The following THSD7A variants were observed in gnomAD, a reference collection of about 807,000 sequenced individuals.
THSD7A encodes thrombospondin type-1 domain-containing protein 7A.
THSD7A carries 96 observed loss-of-function variants against 231.3 expected under a neutral mutation model. The ratio of observed to expected loss-of-function variants is 0.41; its 90% CI spans 0.35 to 0.49. The LOEUF (loss-of-function observed/expected upper bound fraction) is 0.49, where lower values mean the gene tolerates loss of function less well. Ranked by LOEUF, THSD7A falls within the 20% of genes least tolerant of loss-of-function variation. The probability of loss-of-function intolerance (pLI) is 0.05; values close to 1 mark genes in which losing one functional copy is unlikely to be tolerated. For synonymous variants in THSD7A, 940 were observed against 743.3 expected (o/e 1.26, Z -4.30); for missense variants, 2,290 against 2,070.2 (o/e 1.11, Z -2.06).
At chr7:11,472,960 G>A (rs1474101728) in intron 8 of THSD7A, among the ~76,000 whole-genome samples, 3 of 152,114 alleles carry the variant, frequency 2.0e-5, no homozygotes, top group Admixed American at 6.6e-5. Flanking sequence ...ATCTGCTCTT[G>A]CTGTTACCAC....
chr7:11,447,021 T>C (rs950127248), intron 12 of THSD7A, among the ~76,000 whole-genome samples: 1 of 152,098 alleles, frequency 6.6e-6, no homozygotes, highest in African/African-American at 2.4e-5. Flanking sequence ...GCATATTATA[T>C]AGGGAGTCAG....
chr7:11,416,921 A>G (rs934565918), intron 17 of THSD7A, among the ~76,000 whole-genome samples: 4 of 152,110 alleles, frequency 2.6e-5, no homozygotes, highest in African/African-American at 9.7e-5. Flanking sequence ...GTAAAGAGAG[A>G]TTCATTGGTG....
intron 1 of THSD7A, among the ~76,000 whole-genome samples, chr7:11,817,222 T>C (rs1204510998): frequency 6.6e-6 from 1 of 152,212 alleles, no homozygotes; most frequent in Non-Finnish European, 1.5e-5. Flanking sequence ...ACTCATCGTA[T>C]ACTTCCAACA....
intron 1 of THSD7A, among the ~76,000 whole-genome samples, chr7:11,771,120 T>C (rs547764772): frequency 2.0e-5 from 3 of 150,902 alleles, no homozygotes; most frequent in Non-Finnish European, 3.0e-5. Flanking sequence ...TATTAAGAGA[T>C]TTTTCATCAT....
At chr7:11,673,024 C>A (rs1480899847) in intron 1 of THSD7A, among the ~76,000 whole-genome samples, 1 of 152,260 alleles carries the variant, frequency 6.6e-6, no homozygotes, top group East Asian at 1.9e-4. Flanking sequence ...GCCTCTTCCA[C>A]AGAGAGGCAC....
chr7:11,803,335 T>C (rs1390207628), intron 1 of THSD7A, among the ~76,000 whole-genome samples: 9 of 152,180 alleles, frequency 5.9e-5, no homozygotes, highest in Admixed American at 2.0e-4. Flanking sequence ...CAAAGTCACA[T>C]GTGATGTATC....
At chr7:11,726,836 C>T (rs1051280899) in intron 1 of THSD7A, among the ~76,000 whole-genome samples, 1 of 151,894 alleles carries the variant, frequency 6.6e-6, no homozygotes, top group Non-Finnish European at 1.5e-5. Context: ...AACATAAATA[C>T]CGCATCCCTA....
chr7:11,740,140 C>T (rs1284340702), intron 1 of THSD7A, among the ~76,000 whole-genome samples: 1 of 151,882 alleles, frequency 6.6e-6, no homozygotes, highest in African/African-American at 2.4e-5. Context: ...CTAGTAAGAT[C>T]CCACACGTCT....
chr7:11,507,004 C>T (rs1787572848), intron 6 of THSD7A, among the ~76,000 whole-genome samples: 1 of 152,088 alleles, frequency 6.6e-6, no homozygotes, highest in Admixed American at 6.6e-5. Flanking sequence ...ACTGTCTGTT[C>T]ATCTCTCATT....
At chr7:11,751,528 A>C (rs1388211853) in intron 1 of THSD7A, among the ~76,000 whole-genome samples, 1 of 151,952 alleles carries the variant, frequency 6.6e-6, no homozygotes, top group Non-Finnish European at 1.5e-5. Flanking sequence ...GCATATAAAG[A>C]GAGTACAACG....
intron 4 of THSD7A, among the ~76,000 whole-genome samples, chr7:11,567,262 CTT>C (rs768650118): frequency 0.54 from 81,667 of 151,604 alleles, 22,193 homozygotes; most frequent in Middle Eastern, 0.65. Flanking sequence ...AAGCAAGACA[CTT>C]CCCCCTCAAG....
chr7:11,469,112 AT>A (rs1785830856), intron 9 of THSD7A, among the ~76,000 whole-genome samples: 1 of 152,156 alleles, frequency 6.6e-6, no homozygotes, highest in Admixed American at 6.5e-5. Flanking sequence ...CATGAAAAAA[AT>A]AAAAGCATAC....
At position 11,474,803 on chromosome 7, in the gene THSD7A, G is replaced by A. The variant is rs1329601724; in HGVS notation, c.2018-235C>T. 6.6e-6 allele frequency among the ~76,000 whole-genome samples: 1 copy of A among 152,132 alleles called. No individual in the cohort carries two copies. The highest frequency in any genetic ancestry group is 6.6e-5 in the Admixed American group (1 of 15,258). On this transcript the variant is annotated intron_variant, in intron 7 of 27. Coordinates refer to ENST00000423059, the MANE Select transcript of THSD7A (RefSeq NM_015204.3). The surrounding 1 kb of genome is among the most constrained non-coding windows in gnomAD (Gnocchi z 4.1). Reference sequence around the variant, plus strand: ...AATGTAGTAGGGAAAAGTAGTAGGGGAGATAAGGATACAAATGAGTATAAT... The same window carrying A: ...AATGTAGTAGGGAAAAGTAGTAGGGAAGATAAGGATACAAATGAGTATAAT...
At chr7:11,820,432 G>C in intron 1 of THSD7A, 1 of 1,323,986 alleles carries the variant, frequency 7.6e-7, no homozygotes, top group South Asian at 1.7e-5. Context: ...CTTGGGGCTG[G>C]TGCTTGATTT....
chr7:11,382,763 G>A, intron 23 of THSD7A, 147 bp from the exon 24 acceptor site: 1 of 692,326 alleles, frequency 1.4e-6, no homozygotes, highest in Non-Finnish European at 2.5e-6. Flanking sequence ...AAGTTGCCAT[G>A]CATATGTTTA....
Position 11,550,461 on chromosome 7 carries a change from C to T in THSD7A, c.1454-7344G>A, listed in dbSNP as rs952351266. Among the ~76,000 whole-genome samples, 5 of 152,184 alleles carry T rather than the reference C, an allele frequency of 3.3e-5. No homozygotes were observed. In the East Asian group the frequency reaches 7.7e-4, roughly 24 times the overall value. ...GTCAAGGGAGGGACCTGGCAGGAGG[C>T]GAGTGGATCATGGGGGCACTTCCCC... On this transcript the variant is annotated intron_variant, in intron 4 of 27. Transcript: ENST00000423059.
intron 1 of THSD7A, among the ~76,000 whole-genome samples, chr7:11,717,975 C>T (rs1343667662): frequency 6.6e-6 from 1 of 151,392 alleles, no homozygotes; most frequent in East Asian, 2.0e-4. Context: ...AATTTCATCC[C>T]CTGAAATTCA....
chr7:11,603,904 G>C (rs1231478701), intron 2 of THSD7A, among the ~76,000 whole-genome samples: 2 of 150,234 alleles, frequency 1.3e-5, no homozygotes, highest in Non-Finnish European at 3.0e-5. Flanking sequence ...GGGAAGGATA[G>C]CATTGGGAGA....
chr7:11,475,357 CAGG>C (rs1440554744), intron 7 of THSD7A, among the ~76,000 whole-genome samples: 1 of 151,932 alleles, frequency 6.6e-6, no homozygotes, highest in African/African-American at 2.4e-5. Context: ...TGGGGTACTT[CAGG>C]AGATTCTGCG....
Sources: gnomAD v4.1 joint callset for allele counts (sites outside exome capture counted in the v4.1 genomes callset) on GRCh38, gnomAD v4.1.1 for gene constraint, Gnocchi (gnomAD v3.1) non-coding constraint, MANE v1.5 for transcripts, NCBI Gene and HGNC (gene_info 2026-07-23, HGNC 2026-07-21) for gene names.